SMYD3: variants seen among roughly 807,000 people sequenced by gnomAD.
The protein encoded by SMYD3 is histone-lysine N-methyltransferase SMYD3.
SMYD3 carries 36 observed loss-of-function variants against 57.7 expected under a neutral mutation model. That is an observed-to-expected ratio of 0.62 (90% confidence interval 0.48 to 0.82). SMYD3 has a LOEUF of 0.82. SMYD3 is among the 40% of genes least tolerant of loss of function. The pLI is 0.00. For synonymous variants in SMYD3, 211 were observed against 195.0 expected (o/e 1.08, Z -0.68); for missense variants, 515 against 538.8 (o/e 0.96, Z 0.44).
intron 1 of SMYD3, among the ~76,000 whole-genome samples, chr1:246,360,328 T>G (rs1398633702): frequency 1.3e-5 from 2 of 152,100 alleles, no homozygotes; most frequent in Non-Finnish European, 2.9e-5. Context: ...TGGAAACATG[T>G]CCCATGCTCA....
chr1:246,080,995 C>G (rs1406294635), intron 5 of SMYD3, among the ~76,000 whole-genome samples: 1 of 152,040 alleles, frequency 6.6e-6, no homozygotes, highest in African/African-American at 2.4e-5. Context: ...AAAGCAAAGC[C>G]CTTCTGAAAG....
At chr1:245,920,229 C>A (rs891286031) in intron 7 of SMYD3, among the ~76,000 whole-genome samples, 1 of 144,412 alleles carries the variant, frequency 6.9e-6, no homozygotes, top group African/African-American at 2.6e-5. Context: ...AGGAGGATGG[C>A]GTGAACTCGG....
intron 10 of SMYD3, among the ~76,000 whole-genome samples, chr1:245,839,194 C>CGG (rs2050259878): frequency 6.6e-6 from 1 of 152,144 alleles, no homozygotes; most frequent in African/African-American, 2.4e-5. Flanking sequence ...TATTTTGAGA[C>CGG]ATTCTCGCTC....
chr1:246,020,001 A>G (rs2059443712), intron 5 of SMYD3, among the ~76,000 whole-genome samples: 1 of 152,208 alleles, frequency 6.6e-6, no homozygotes, highest in Admixed American at 6.5e-5. Flanking sequence ...TAGACTTGTT[A>G]CTTGCCTGCC....
At chr1:245,848,892 G>C (rs2050805633) in intron 10 of SMYD3, among the ~76,000 whole-genome samples, 1 of 152,168 alleles carries the variant, frequency 6.6e-6, no homozygotes, top group Non-Finnish European at 1.5e-5. Context: ...AGTGAGCAGA[G>C]AGAAAGTATA....
At chr1:245,962,606 G>A (rs753993263) in intron 5 of SMYD3, among the ~76,000 whole-genome samples, 2 of 152,148 alleles carry the variant, frequency 1.3e-5, no homozygotes, top group Admixed American at 6.5e-5. Context: ...AGCCAGATGA[G>A]GTGAAGAGAT....
chr1:246,466,829 CAG>C (rs1351483051), intron 1 of SMYD3, among the ~76,000 whole-genome samples: 1 of 152,052 alleles, frequency 6.6e-6, no homozygotes, highest in African/African-American at 2.4e-5. Context: ...GCCTGGGCAA[CAG>C]AGTGAGGCCC....
intron 1 of SMYD3, among the ~76,000 whole-genome samples, chr1:246,491,264 G>C (rs559660100): frequency 1.3e-5 from 2 of 152,170 alleles, no homozygotes; most frequent in Non-Finnish European, 2.9e-5. Flanking sequence ...TCAGCCGGGC[G>C]CGGTGGATCA....
At chr1:246,416,802 G>A (rs1011670440) in intron 1 of SMYD3, among the ~76,000 whole-genome samples, 3 of 151,926 alleles carry the variant, frequency 2.0e-5, no homozygotes, top group Non-Finnish European at 2.9e-5. Context: ...ACCTTCTCCT[G>A]TATCTCTCCA....
At chr1:245,768,759 A>G (rs1348077950) in intron 10 of SMYD3, among the ~76,000 whole-genome samples, 2 of 152,172 alleles carry the variant, frequency 1.3e-5, no homozygotes, top group African/African-American at 4.8e-5. Context: ...GTAAGGACAC[A>G]GTGTTCCTTC....
rs188355520 is a variant in SMYD3, at chr1:245,860,493, G to A, written c.902-1823C>T. On this transcript the variant is annotated intron_variant, in intron 9 of 11. Transcript: ENST00000490107. ...ATTTTCTTTCCAGCAAAGGCCTCCC[G>A]GAGACACAGTATCTTACTCCAAAAG... 2.2e-4 allele frequency among the ~76,000 whole-genome samples: 33 copies of A among 152,198 alleles called. No homozygotes were observed. The East Asian group carries it at 5.4e-3, about 25-fold the overall frequency.
intron 5 of SMYD3, among the ~76,000 whole-genome samples, chr1:246,241,740 T>G (rs1297644728): frequency 6.6e-6 from 1 of 152,174 alleles, no homozygotes; most frequent in African/African-American, 2.4e-5. Context: ...TTTTGGTTGG[T>G]AAGCTATTAA....
At chr1:245,765,951 A>AT (rs745697240) in intron 10 of SMYD3, among the ~76,000 whole-genome samples, 28 of 152,140 alleles carry the variant, frequency 1.8e-4, no homozygotes, top group Non-Finnish European at 3.8e-4. Flanking sequence ...AAATGCACAC[A>AT]TATCTGCAAA....
At chr1:246,416,465 C>A (rs1437986792) in intron 1 of SMYD3, among the ~76,000 whole-genome samples, 1 of 150,944 alleles carries the variant, frequency 6.6e-6, no homozygotes, top group Non-Finnish European at 1.5e-5. Flanking sequence ...GAAAAATGAA[C>A]CCTATGTGCC....
At chr1:245,765,223 T>TAA (rs61147984) in intron 10 of SMYD3, among the ~76,000 whole-genome samples, 4 of 113,520 alleles carry the variant, frequency 3.5e-5, no homozygotes, top group Admixed American at 8.7e-5. Flanking sequence ...CTTTCTCTAT[T>TAA]AAAAAAAAAA....
intron 8 of SMYD3, among the ~76,000 whole-genome samples, chr1:245,878,458 C>T (rs1416725096): frequency 2.0e-5 from 3 of 152,156 alleles, no homozygotes; most frequent in Admixed American, 2.0e-4. Context: ...CAAGGAGGTC[C>T]CCATTTCCTC....
chr1:245,915,933 A>T (rs1484196649), intron 7 of SMYD3, among the ~76,000 whole-genome samples: 1 of 152,138 alleles, frequency 6.6e-6, no homozygotes, highest in South Asian at 2.1e-4. Flanking sequence ...CTACAGGAAA[A>T]TATCAAAAAC....
At chr1:246,352,069 G>A (rs928710065) in intron 2 of SMYD3, among the ~76,000 whole-genome samples, 1 of 146,692 alleles carries the variant, frequency 6.8e-6, no homozygotes, top group Non-Finnish European at 1.5e-5. Flanking sequence ...CCTGGGAGGT[G>A]GAGGTTGCAG....
rs146888891 is a variant in SMYD3, at chr1:245,887,397, G to A, written c.814-23511C>T. 2.0e-3 allele frequency among the ~76,000 whole-genome samples: 303 copies of A among 152,266 alleles called. 11 individuals carry two copies. The East Asian group carries it at 0.055, about 28-fold the overall frequency. On this transcript the variant is annotated intron_variant, in intron 8 of 11. Coordinates refer to ENST00000490107, the MANE Select transcript of SMYD3 (RefSeq NM_001167740.2). ...AAATAACCATAAAAATGGGTAACCC[G>A]CAGCCCTTGGGGCTGCTGTGTGTGG...
Sources: gnomAD v4.1 joint callset for allele counts (sites outside exome capture counted in the v4.1 genomes callset) on GRCh38, gnomAD v4.1.1 for gene constraint, MANE v1.5 for transcripts, NCBI Gene and HGNC (gene_info 2026-07-23, HGNC 2026-07-21) for gene names.